Variants in PDE7A observed in about 807,000 individuals in gnomAD.
PDE7A encodes high affinity 3',5'-cyclic-AMP phosphodiesterase 7A.
A neutral mutation model predicts 64.3 loss-of-function variants in PDE7A; 39 were observed. The ratio of observed to expected loss-of-function variants is 0.61; its 90% CI spans 0.47 to 0.79. The LOEUF (loss-of-function observed/expected upper bound fraction) is 0.79, where lower values mean the gene tolerates loss of function less well. PDE7A is among the 30% of genes least tolerant of loss of function. The probability of loss-of-function intolerance (pLI) is 0.00; values close to 1 mark genes in which losing one functional copy is unlikely to be tolerated. For synonymous variants in PDE7A, 203 were observed against 206.8 expected (o/e 0.98, Z 0.16); for missense variants, 470 against 582.8 (o/e 0.81, Z 1.99).
At chr8:65,736,888 CT>C (rs35543290) in intron 6 of PDE7A, among the ~76,000 whole-genome samples, 51,498 of 133,360 alleles carry the variant, frequency 0.39, 9,459 homozygotes, top group East Asian at 0.6. Context: ...GGTATTGAGG[CT>C]TTTTTTTTTT....
intron 1 of PDE7A, among the ~76,000 whole-genome samples, chr8:65,788,255 T>G (rs751904796): frequency 6.6e-6 from 1 of 152,114 alleles, no homozygotes; most frequent in Non-Finnish European, 1.5e-5. Context: ...TTTAAATATG[T>G]TTTACTTTAG....
chr8:65,807,286 T>C (rs1034289400), intron 1 of PDE7A, among the ~76,000 whole-genome samples: 2 of 152,232 alleles, frequency 1.3e-5, no homozygotes, highest in African/African-American at 4.8e-5. Context: ...TTTATGCTTT[T>C]TCATGCTATT....
intron 1 of PDE7A, among the ~76,000 whole-genome samples, chr8:65,799,707 G>A (rs1348928493): frequency 2.6e-5 from 4 of 152,178 alleles, no homozygotes; most frequent in Admixed American, 6.5e-5. Context: ...TGGGTCTCAC[G>A]GCCTGGAAAG....
chr8:65,767,310 T>C (rs562090598), intron 3 of PDE7A, among the ~76,000 whole-genome samples: 1 of 152,340 alleles, frequency 6.6e-6, no homozygotes, highest in African/African-American at 2.4e-5. Flanking sequence ...CATTTCCAAC[T>C]GCATGACCAG....
At chr8:65,799,468 G>A (rs1809938861) in intron 1 of PDE7A, among the ~76,000 whole-genome samples, 2 of 152,244 alleles carry the variant, frequency 1.3e-5, no homozygotes, top group Admixed American at 1.3e-4. Flanking sequence ...AATACTCTAG[G>A]TCCCAGAGTG....
chr8:65,804,559 T>A (rs1375786925), intron 1 of PDE7A, among the ~76,000 whole-genome samples: 2 of 148,498 alleles, frequency 1.3e-5, no homozygotes, highest in South Asian at 4.2e-4. Context: ...TTTTTTTTTT[T>A]GAAGACAGTG....
At chr8:65,791,232 A>T (rs1404718873) in intron 1 of PDE7A, among the ~76,000 whole-genome samples, 1 of 152,232 alleles carries the variant, frequency 6.6e-6, no homozygotes, top group African/African-American at 2.4e-5. Flanking sequence ...TATTTCTACC[A>T]TCTCAAAACT....
intron 5 of PDE7A, among the ~76,000 whole-genome samples, chr8:65,742,882 C>A (rs1342199203): frequency 6.6e-6 from 1 of 152,094 alleles, no homozygotes; most frequent in African/African-American, 2.4e-5. Flanking sequence ...AGTTAGCCAC[C>A]CTGTCCACAA....
intron 9 of PDE7A, among the ~76,000 whole-genome samples, chr8:65,726,451 T>C (rs1246383352): frequency 6.6e-6 from 1 of 152,182 alleles, no homozygotes; most frequent in Non-Finnish European, 1.5e-5. Context: ...TTCTTGTCAG[T>C]TTTGAAAACT....
At chr8:65,773,759 A>T (rs956823373) in intron 3 of PDE7A, among the ~76,000 whole-genome samples, 1 of 152,078 alleles carries the variant, frequency 6.6e-6, no homozygotes, top group Non-Finnish European at 1.5e-5. Flanking sequence ...TTTTAATTTC[A>T]TTAGAGATAC....
chr8:65,723,411 A>G (rs1806473611), intron 12 of PDE7A, 130 bp downstream of exon 12: 1 of 931,856 alleles, frequency 1.1e-6, no homozygotes, highest in Non-Finnish European at 1.4e-6. Flanking sequence ...AACAAGGGTA[A>G]AATTTCTTAA....
intron 7 of PDE7A, chr8:65,731,475 C>T (rs1309365815): frequency 1.3e-5 from 2 of 152,140 alleles, no homozygotes; most frequent in Non-Finnish European, 2.9e-5. Context: ...CTAATTTAAA[C>T]TCATTATAGA....
chr8:65,793,380 T>C (rs1809752075), intron 1 of PDE7A, among the ~76,000 whole-genome samples: 2 of 152,006 alleles, frequency 1.3e-5, no homozygotes, highest in African/African-American at 4.8e-5. Context: ...ATTAAAGGTA[T>C]GTCAGTATGC....
At chr8:65,802,597 C>T (rs1388665139) in intron 1 of PDE7A, among the ~76,000 whole-genome samples, 2 of 152,138 alleles carry the variant, frequency 1.3e-5, no homozygotes, top group African/African-American at 4.8e-5. Flanking sequence ...GGTACTTGGA[C>T]AGTTGTTACA....
chr8:65,763,039 A>G (rs902991568), intron 3 of PDE7A, among the ~76,000 whole-genome samples: 2 of 148,112 alleles, frequency 1.4e-5, no homozygotes, highest in African/African-American at 2.5e-5. Context: ...GTGTGTGTGT[A>G]TAAAATGAAT....
At chr8:65,795,722 C>T (rs1413904167) in intron 1 of PDE7A, among the ~76,000 whole-genome samples, 1 of 152,100 alleles carries the variant, frequency 6.6e-6, no homozygotes, top group East Asian at 1.9e-4. Flanking sequence ...ATCTGCAAGT[C>T]ACTAAACTGC....
intron 1 of PDE7A, 128 bp downstream of exon 1, chr8:65,841,243 G>A (rs1204100193): frequency 8.2e-6 from 9 of 1,103,698 alleles, no homozygotes; most frequent in Non-Finnish European, 8.4e-6. Flanking sequence ...GCAATCGAAA[G>A]GCCAGCCTAG....
At chr8:65,721,979 G>GT (rs1477678043) in intron 12 of PDE7A, 1 of 151,916 alleles carries the variant, frequency 6.6e-6, no homozygotes, top group Non-Finnish European at 1.5e-5. Context: ...TAGTAGAAAC[G>GT]TGAGTTTCAC....
chr8:65,813,501 T>C (rs1810304606), intron 1 of PDE7A, among the ~76,000 whole-genome samples: 1 of 152,152 alleles, frequency 6.6e-6, no homozygotes. Flanking sequence ...GGAACCAAAA[T>C]GTAATTGTAA....
Sources: allele counts gnomAD v4.1 joint callset (sites outside exome capture counted in the v4.1 genomes callset), GRCh38; gene constraint gnomAD v4.1.1; transcripts MANE v1.5; gene names NCBI Gene and HGNC (gene_info 2026-07-23, HGNC 2026-07-21).